Variants in LMBRD1 observed in about 807,000 individuals in gnomAD.
LMBRD1 encodes the protein lysosomal cobalamin transport escort protein LMBD1.
Under a neutral mutation model 74.8 loss-of-function variants are expected in LMBRD1, and 64 were observed. That is an observed-to-expected ratio of 0.86 (90% CI 0.70 to 1.05). LMBRD1 has a LOEUF of 1.05. LMBRD1 is among the 50% of genes least tolerant of loss of function. LMBRD1 has a pLI of 0.00. For synonymous variants in LMBRD1, 204 were observed against 216.3 expected (o/e 0.94, Z 0.50); for missense variants, 652 against 645.9 (o/e 1.01, Z -0.10).
chr6:69,714,590 A>G (rs1381759470), intron 8 of LMBRD1, among the ~76,000 whole-genome samples: 3 of 152,176 alleles, frequency 2.0e-5, no homozygotes, highest in Admixed American at 1.3e-4. Flanking sequence ...GTATAGGATT[A>G]CATTTTTAAA....
intron 14 of LMBRD1, among the ~76,000 whole-genome samples, chr6:69,684,802 T>A (rs932747101): frequency 2.3e-4 from 35 of 152,118 alleles, no homozygotes; most frequent in African/African-American, 7.2e-4. Context: ...AATCAGTAGG[T>A]TCCCAGAAGG....
intron 3 of LMBRD1, among the ~76,000 whole-genome samples, chr6:69,777,504 C>T (rs1765730847): frequency 6.6e-6 from 1 of 150,988 alleles, no homozygotes; most frequent in African/African-American, 2.4e-5. Flanking sequence ...GAGTTCAGTG[C>T]TGCTAATCCT....
chr6:69,733,816 A>G (rs1766914656), intron 7 of LMBRD1, among the ~76,000 whole-genome samples: 1 of 152,234 alleles, frequency 6.6e-6, no homozygotes, highest in Non-Finnish European at 1.5e-5. Flanking sequence ...CTCACTGATC[A>G]TGATACAACT....
chr6:69,738,823 A>G (rs1001362880), intron 6 of LMBRD1, among the ~76,000 whole-genome samples: 2 of 152,132 alleles, frequency 1.3e-5, no homozygotes, highest in African/African-American at 4.8e-5. Context: ...AGCGAGTTTA[A>G]ATGCAAGTCC....
intron 7 of LMBRD1, among the ~76,000 whole-genome samples, chr6:69,734,426 G>A (rs1229423340): frequency 1.3e-5 from 2 of 149,286 alleles, no homozygotes; most frequent in African/African-American, 5.0e-5. Flanking sequence ...ACGGAGTCTT[G>A]CTCTTGTCTC....
chr6:69,748,581 A>T (rs1765047653), intron 5 of LMBRD1, among the ~76,000 whole-genome samples: 1 of 152,030 alleles, frequency 6.6e-6, no homozygotes, highest in Non-Finnish European at 1.5e-5. Context: ...GTAATAAGTA[A>T]TTTTTTTATT....
At chr6:69,707,163 T>G (rs913723850) in intron 9 of LMBRD1, among the ~76,000 whole-genome samples, 1 of 152,154 alleles carries the variant, frequency 6.6e-6, no homozygotes, top group Non-Finnish European at 1.5e-5. Context: ...CTTGTCACAT[T>G]TCCCCCTCCA....
chr6:69,688,397 C>T (rs898670489), intron 14 of LMBRD1, among the ~76,000 whole-genome samples: 4 of 136,514 alleles, frequency 2.9e-5, no homozygotes, highest in African/African-American at 1.0e-4. Flanking sequence ...GTTTGAAGGG[C>T]AGAGATTTTT....
At chr6:69,694,073 C>T (rs1765945048) in intron 14 of LMBRD1, among the ~76,000 whole-genome samples, 1 of 152,008 alleles carries the variant, frequency 6.6e-6, no homozygotes, top group African/African-American at 2.4e-5. Context: ...ATAAATTAGA[C>T]TGTAAAAGAA....
chr6:69,780,525 C>G lies in LMBRD1; in HGVS notation c.276G>C (p.Gln92His). ...KDWANANVSRQIEDTVLYGYY... is the reference protein window; with the variant it reads ...KDWANANVSRHIEDTVLYGYY... ...AACCGTATAATACAGTGTCCTCAAT[C>G]TGTCTGCTGACATTAGCATTAGCCC... The change falls in exon 3 of 16, where the codon CAG (glutamine) becomes CAC (histidine). Residue 92 changes from glutamine to histidine, a missense_variant. This residue lies in a region of LMBRD1 where 598 missense variants were observed against 581.8 expected (regional missense o/e 1.03). Transcript: ENST00000649934. 1 of 1,610,696 alleles carries G rather than the reference C, an allele frequency of 6.2e-7. No individual in the cohort carries two copies. Among genetic ancestry groups the G allele is most frequent in the Non-Finnish European group, 8.5e-7 (1 of 1,177,020 alleles).
Position 69,719,135 on chromosome 6 carries a change from C to T in LMBRD1, c.637-54G>A, listed in dbSNP as rs1766559134. ...GAAATAATGTTTCAAACATATTATA[C>T]ACAATTTTAGGTTAAAAATGTCTTT... On this transcript the variant is annotated intron_variant, in intron 7 of 15. Coordinates refer to ENST00000649934, the MANE Select transcript of LMBRD1 (RefSeq NM_018368.4). 4 of 1,548,202 alleles carry T rather than the reference C, an allele frequency of 2.6e-6. No homozygotes were observed. The Admixed American group carries it at 6.9e-5, about 27-fold the overall frequency.
chr6:69,688,828 A>G (rs1765820371), intron 14 of LMBRD1, among the ~76,000 whole-genome samples: 1 of 152,116 alleles, frequency 6.6e-6, no homozygotes, highest in Non-Finnish European at 1.5e-5. Flanking sequence ...GCATTTAAAA[A>G]TGAGGTAATA....
chr6:69,769,173 T>G (rs548710044), intron 3 of LMBRD1, among the ~76,000 whole-genome samples: 1 of 152,244 alleles, frequency 6.6e-6, no homozygotes, highest in Admixed American at 6.5e-5. Context: ...GACCCACAGA[T>G]CTCTGTGGCT....
chr6:69,697,471 A>C, intron 14 of LMBRD1, 92 bp downstream of exon 14: 1 of 872,164 alleles, frequency 1.1e-6, no homozygotes, highest in Admixed American at 1.7e-5. Context: ...CTTACCACGT[A>C]GTAAAACAAA....
intron 5 of LMBRD1, chr6:69,745,909 T>G (rs1767217846): frequency 4.7e-6 from 1 of 214,824 alleles, no homozygotes; most frequent in Non-Finnish European, 9.4e-6. Context: ...GATTTGGCCA[T>G]AGTGGTGCCT....
chr6:69,705,966 C>T (rs1766245085), intron 9 of LMBRD1: 2 of 981,542 alleles, frequency 2.0e-6, no homozygotes, highest in Non-Finnish European at 3.2e-6. Flanking sequence ...CTTTGTAATA[C>T]ACTGCCTCTG....
chr6:69,758,588 G>A (rs1471461606), intron 3 of LMBRD1, among the ~76,000 whole-genome samples: 3 of 152,064 alleles, frequency 2.0e-5, no homozygotes, highest in Non-Finnish European at 4.4e-5. Flanking sequence ...AATGAACTTA[G>A]TACTCTCATG....
intron 3 of LMBRD1, among the ~76,000 whole-genome samples, chr6:69,773,758 TATA>T (rs1215682980): frequency 1.3e-5 from 2 of 152,246 alleles, no homozygotes; most frequent in Admixed American, 6.5e-5. Flanking sequence ...AATGTACATA[TATA>T]ATATCTTCTT....
chr6:69,758,733 A>G (rs1230695027), intron 3 of LMBRD1, among the ~76,000 whole-genome samples: 2 of 152,160 alleles, frequency 1.3e-5, no homozygotes, highest in Non-Finnish European at 2.9e-5. Context: ...TTCCTGAAAC[A>G]GAATTTGGTA....
Sources: allele counts gnomAD v4.1 joint callset (sites outside exome capture counted in the v4.1 genomes callset), GRCh38; gene constraint gnomAD v4.1.1; regional missense constraint gnomAD v4.1.1; transcripts MANE v1.5; gene names NCBI Gene and HGNC (gene_info 2026-07-23, HGNC 2026-07-21).